ASB9: variants seen among roughly 807,000 people sequenced by gnomAD.
ASB9 encodes the protein ankyrin repeat and SOCS box containing 9.
A neutral mutation model predicts 16.6 loss-of-function variants in ASB9; 5 were observed. The observed-to-expected ratio is 0.30, with a 90% confidence interval of 0.16 to 0.63. The LOEUF is 0.63. Among genes scored for constraint, ASB9 ranks in the 30% least tolerant of loss-of-function variants. The probability of loss-of-function intolerance (pLI) is 0.82; values close to 1 mark genes in which losing one functional copy is unlikely to be tolerated. For synonymous variants in ASB9, 100 were observed against 86.4 expected, an observed-to-expected ratio of 1.16 and a Z score of -0.87; for missense variants, 216 against 229.4, an observed-to-expected ratio of 0.94 and a Z score of 0.38.
chrX:15,252,424 A>T lies in ASB9; in HGVS notation c.283-20T>A, dbSNP rs971620643. On this transcript the variant is annotated intron_variant, in intron 3 of 6. Transcript: ENST00000380488. ...ATTCACCTGGTAAAAGAAGCTCCAG[A>T]ATGAAGACAGGAAGGGGGATGTTTT... 1.1e-5 allele frequency: 13 copies of T among 1,181,924 alleles called. No homozygotes were observed. The highest frequency in any genetic ancestry group is 1.4e-5 in the Non-Finnish European group (12 of 880,161).
At chrX:15,267,226 C>T (rs1374494406) in intron 1 of ASB9, among the ~76,000 whole-genome samples, 3 of 109,169 alleles carry the variant, frequency 2.7e-5, no homozygotes, top group Non-Finnish European at 5.7e-5. Context: ...GGTGAAACCC[C>T]GTCTCTACTA....
In ASB9 at chrX:15,259,972, G is replaced by A. The variant is rs189442444; in HGVS notation, c.95-1027C>T. On this transcript the variant is annotated intron_variant, in intron 1 of 6. Coordinates refer to ENST00000380488, the MANE Select transcript of ASB9 (RefSeq NM_001031739.3). The stretch of plus-strand genomic sequence containing the variant: ...TCTGAAAAAACTGGAAACACTTCTG[G>A]TCCCAAGGATTTCAGAGACGGGATG... 4.5e-5 allele frequency among the ~76,000 whole-genome samples: 5 copies of A among 112,007 alleles called. No individual in the cohort carries two copies. In the East Asian group the frequency reaches 1.4e-3, roughly 31 times the overall value.
intron 1 of ASB9, among the ~76,000 whole-genome samples, chrX:15,261,536 T>A (rs1271315054): frequency 8.9e-6 from 1 of 112,233 alleles, no homozygotes; most frequent in Non-Finnish European, 1.9e-5. Context: ...TTATCAAGTG[T>A]AGCCACAAAT....
chrX:15,258,616 G>GTAGTAATAGTAT (rs1925754210), intron 2 of ASB9, among the ~76,000 whole-genome samples: 1 of 111,908 alleles, frequency 8.9e-6, no homozygotes, highest in Non-Finnish European at 1.9e-5. Flanking sequence ...ACAAACCACA[G>GTAGTAATAGTAT]TAGTAATAGT....
At chrX:15,262,011 T>A (rs1926005068) in intron 1 of ASB9, among the ~76,000 whole-genome samples, 1 of 112,247 alleles carries the variant, frequency 8.9e-6, no homozygotes, top group Admixed American at 9.5e-5. Flanking sequence ...TTGCCTATTC[T>A]GGACATTTCA....
In ASB9 at chrX:15,269,943, C is replaced by T. The variant is rs1926849512; in HGVS notation, c.-69G>A. The T allele has an allele frequency of 1.2e-6, 1 of 845,212 alleles. No individual in the cohort carries two copies. The highest frequency in any genetic ancestry group is 2.1e-5 in the African/African-American group (1 of 48,713). 69.7% of individuals were successfully genotyped at this position (845,212 alleles called of 1,213,427 possible). ...TGCTCAGCAAAGTCCAAACTCCATG[C>T]TCCCCCTGCTCCTGAAAAATTCCAG... On this transcript the variant is annotated 5_prime_UTR_variant, in exon 1 of 7. Coordinates refer to ENST00000380488, the MANE Select transcript of ASB9 (RefSeq NM_001031739.3).
chrX:15,250,355 A>G, intron 5 of ASB9, 75 bp downstream of exon 5: 3 of 1,092,713 alleles, frequency 2.7e-6, no homozygotes, highest in Non-Finnish European at 3.7e-6. Flanking sequence ...TCTCTCCTAC[A>G]GCAGTAAGAT....
intron 1 of ASB9, among the ~76,000 whole-genome samples, chrX:15,259,530 G>T (rs1160702952): frequency 1.8e-5 from 2 of 112,932 alleles, no homozygotes; most frequent in Non-Finnish European, 3.7e-5. Flanking sequence ...CTCAAAGGCA[G>T]CATGCCAAGG....
intron 3 of ASB9, among the ~76,000 whole-genome samples, 185 bp downstream of exon 3, chrX:15,254,551 TA>T (rs1925383202): frequency 8.9e-6 from 1 of 112,592 alleles, no homozygotes; most frequent in Non-Finnish European, 1.9e-5. Flanking sequence ...TAAGCGTGAC[TA>T]AAAATTTAGT....
intron 3 of ASB9, among the ~76,000 whole-genome samples, chrX:15,252,880 C>A (rs1925235655): frequency 8.9e-6 from 1 of 111,950 alleles, no homozygotes; most frequent in Non-Finnish European, 1.9e-5. Context: ...TAACACATAC[C>A]CAAGATTTTA....
chrX:15,268,334 A>AAAAAAC (rs780309846), intron 1 of ASB9, among the ~76,000 whole-genome samples: 38,405 of 104,188 alleles, frequency 0.37, 6,186 homozygotes, highest in South Asian at 0.6. Context: ...TCCGTCTCAA[A>AAAAAAC]AAAACAAAAC....
intron 4 of ASB9, 74 bp downstream of exon 4, chrX:15,252,180 T>TTTTC (rs910981002): frequency 3.8e-6 from 4 of 1,054,907 alleles, no homozygotes; most frequent in African/African-American, 2.0e-5. Flanking sequence ...ATATATCTCC[T>TTTTC]TTTCTTTCTT....
chrX:15,256,566 A>G (rs1925560988), intron 2 of ASB9, among the ~76,000 whole-genome samples: 1 of 107,555 alleles, frequency 9.3e-6, no homozygotes, highest in Admixed American at 1.0e-4. Flanking sequence ...TCACGAGGTC[A>G]GGAGATCGAG....
Position 15,258,932 on chromosome X carries a change from A to G in ASB9, c.108T>C (p.Asp36=), listed in dbSNP as rs1925776207. ...SNPLMGDAVS[D]WSPMHEAAIH... is the part of the protein sequence containing the mutation. ...TTGCAGCTTCATGCATAGGAGACCAATCAGACACAGCATCTGTATGGAAAG... is the reference window on the plus strand; with the variant it reads ...TTGCAGCTTCATGCATAGGAGACCAGTCAGACACAGCATCTGTATGGAAAG... Residue 36 remains aspartate (D), a synonymous_variant, in exon 2 of 7, where the codon GAT becomes GAC. Coordinates refer to ENST00000380488, the MANE Select transcript of ASB9 (RefSeq NM_001031739.3). 8.3e-7 allele frequency: 1 copy of G among 1,206,019 alleles called. No homozygotes were observed. Among genetic ancestry groups the G allele is most frequent in the Non-Finnish European group, 1.1e-6 (1 of 891,435 alleles).
chrX:15,269,423 A>C (rs186519846), intron 1 of ASB9, among the ~76,000 whole-genome samples: 1 of 112,090 alleles, frequency 8.9e-6, no homozygotes, highest in Non-Finnish European at 1.9e-5. Flanking sequence ...CCAAACACCT[A>C]AGACTTACAA....
In ASB9 at chrX:15,249,006, C is replaced by T. The variant is rs1361328430; in HGVS notation, c.569-71G>A. On this transcript the variant is annotated intron_variant, in intron 5 of 6. Transcript: ENST00000380488. ...CAACCATCGGGGCTTTTCAAAGCCC[C>T]GAGCCCCAAAATTTCCTAACAAGAG... The T allele has an allele frequency of 2.2e-5, 22 of 1,012,065 alleles. No individual in the cohort carries two copies. The Admixed American group carries it at 3.9e-4, about 18-fold the overall frequency. The allele number at this position is 1,012,065 out of a possible 1,213,427, so 83.4% of individuals were successfully genotyped here.
At chrX:15,247,402 G>T (rs1924758399) in intron 6 of ASB9, among the ~76,000 whole-genome samples, 1 of 111,936 alleles carries the variant, frequency 8.9e-6, no homozygotes, top group Non-Finnish European at 1.9e-5. Flanking sequence ...GAAGGGAAAA[G>T]CCAGGGGAGG....
At chrX:15,266,535 T>C (rs139855861) in intron 1 of ASB9, among the ~76,000 whole-genome samples, 1 of 112,097 alleles carries the variant, frequency 8.9e-6, no homozygotes, top group African/African-American at 3.2e-5. Flanking sequence ...GACATTCACA[T>C]TTTGCACTCT....
At chrX:15,244,685 T>TA (rs1924510791) in intron 6 of ASB9, 55 bp from the exon 7 acceptor site, 2 of 896,315 alleles carry the variant, frequency 2.2e-6, no homozygotes, top group Non-Finnish European at 2.9e-6. Context: ...CTAAGACTCC[T>TA]TTTTTTTAAA....
Sources: allele counts gnomAD v4.1 joint callset (sites outside exome capture counted in the v4.1 genomes callset), GRCh38; gene constraint gnomAD v4.1.1; transcripts MANE v1.5; gene names NCBI Gene and HGNC (gene_info 2026-07-23, HGNC 2026-07-21).